The following PLEKHH1 variants were observed in gnomAD, a reference collection of about 807,000 sequenced individuals.
The protein encoded by PLEKHH1 is pleckstrin homology domain-containing family H member 1.
PLEKHH1 carries 104 observed loss-of-function variants against 160.0 expected under a neutral mutation model. That is an observed-to-expected ratio of 0.65 (90% CI 0.55 to 0.76). PLEKHH1 has a LOEUF of 0.76. Among genes scored for constraint, PLEKHH1 ranks in the 30% least tolerant of loss-of-function variants. PLEKHH1 has a pLI of 0.00. For synonymous variants in PLEKHH1, 619 were observed against 678.4 expected, an observed-to-expected ratio of 0.91 and a Z score of 1.36; for missense variants, 1,427 against 1,724.1, an observed-to-expected ratio of 0.83 and a Z score of 3.05.
Position 67,562,668 on chromosome 14 carries a change from T to C in PLEKHH1, c.1037T>C (p.Val346Ala), listed in dbSNP as rs748939343. ...GGCCATGGGCACTTTGGCCGTGTGG[T>C]GAACATTGAGACTGAGGCCTTCTCA... ...QVGHGHFGRV[V>A]NIETEAFSAL... Residue 346 changes from valine (V) to alanine (A), a missense_variant, in exon 7 of 29, where the codon GTG becomes GCG. Val to Ala is a moderately conservative substitution (Grantham distance 64). Coordinates refer to ENST00000329153, the MANE Select transcript of PLEKHH1 (RefSeq NM_020715.3). The C allele has an allele frequency of 6.2e-7, 1 of 1,612,546 alleles. No individual in the cohort carries two copies. Among genetic ancestry groups the C allele is most frequent in the Non-Finnish European group, 8.5e-7 (1 of 1,179,370 alleles).
At chr14:67,557,754 C>A (rs1387489169) in intron 4 of PLEKHH1, among the ~76,000 whole-genome samples, 1 of 152,218 alleles carries the variant, frequency 6.6e-6, no homozygotes, top group Non-Finnish European at 1.5e-5. Flanking sequence ...GGTGGAAACA[C>A]CTCATAGAGC....
intron 7 of PLEKHH1, among the ~76,000 whole-genome samples, chr14:67,567,309 T>TA (rs984711844): frequency 4.6e-5 from 7 of 152,314 alleles, no homozygotes; most frequent in Admixed American, 4.6e-4. Flanking sequence ...TTATGTATCT[T>TA]AGAGTTTGGA....
intron 2 of PLEKHH1, among the ~76,000 whole-genome samples, chr14:67,547,774 T>C (rs1353191307): frequency 6.6e-6 from 1 of 152,112 alleles, no homozygotes; most frequent in African/African-American, 2.4e-5. Context: ...CCTGACTCCC[T>C]CGTACAAAAT....
chr14:67,577,667 T>C (rs1394864997), intron 18 of PLEKHH1, among the ~76,000 whole-genome samples: 1 of 152,188 alleles, frequency 6.6e-6, no homozygotes, highest in Non-Finnish European at 1.5e-5. Context: ...CCTCCTCCTG[T>C]AGTTAAGCAG....
At chr14:67,571,715 A>G in intron 9 of PLEKHH1, 37 bp from the exon 10 acceptor site, 4 of 1,601,278 alleles carry the variant, frequency 2.5e-6, no homozygotes, top group Non-Finnish European at 3.4e-6. Context: ...ACTGTTTTGC[A>G]GCCTGAGCTG....
At chr14:67,561,803 A>C in intron 5 of PLEKHH1, 151 bp from the exon 6 acceptor site, 1 of 632,370 alleles carries the variant, frequency 1.6e-6, no homozygotes, top group South Asian at 2.0e-5. Context: ...CTGGGAGGTC[A>C]AGGCTGCAGT....
chr14:67,585,941 C>A lies in PLEKHH1; in HGVS notation c.3787-10C>A, dbSNP rs769387100. On this transcript the variant is annotated splice_polypyrimidine_tract_variant and intron_variant, in intron 27 of 28. Transcript: ENST00000329153. ...AAGTTTCCCCACAACTGACTGGTTCCTTTCCACAGCAAGTGCACATCACTT... is the reference window on the plus strand; with the variant it reads ...AAGTTTCCCCACAACTGACTGGTTCATTTCCACAGCAAGTGCACATCACTT... 9.3e-6 allele frequency: 15 copies of A among 1,608,204 alleles called. No individual in the cohort carries two copies. In the Admixed American group the frequency reaches 2.5e-4, roughly 27 times the overall value.
intron 23 of PLEKHH1, 98 bp from the exon 24 acceptor site, chr14:67,581,971 C>T: frequency 1.6e-6 from 2 of 1,218,090 alleles, no homozygotes; most frequent in Non-Finnish European, 2.3e-6. Context: ...GAAAAGAGTA[C>T]TTTATCTTTT....
At chr14:67,566,157 C>G (rs1465118) in intron 7 of PLEKHH1, among the ~76,000 whole-genome samples, 3 of 151,886 alleles carry the variant, frequency 2.0e-5, no homozygotes, top group African/African-American at 4.8e-5. Context: ...GGCACACAGC[C>G]CTAGACTTTT....
intron 2 of PLEKHH1, among the ~76,000 whole-genome samples, chr14:67,552,865 C>T (rs940367298): frequency 6.6e-6 from 1 of 151,952 alleles, no homozygotes; most frequent in African/African-American, 2.4e-5. Context: ...GGGAGGATAC[C>T]CCAGGGGAGA....
chr14:67,553,206 A>G (rs2034466801), intron 2 of PLEKHH1, among the ~76,000 whole-genome samples: 1 of 152,234 alleles, frequency 6.6e-6, no homozygotes, highest in South Asian at 2.1e-4. Flanking sequence ...TGGAAAGCCT[A>G]TGCCTTCTTC....
intron 7 of PLEKHH1, among the ~76,000 whole-genome samples, chr14:67,565,962 A>C: frequency 6.6e-6 from 1 of 152,128 alleles, no homozygotes; most frequent in East Asian, 1.9e-4. Context: ...TCTACTAAAA[A>C]TACAAAAATT....
chr14:67,559,846 T>C (rs1462847000), intron 5 of PLEKHH1, among the ~76,000 whole-genome samples, 155 bp downstream of exon 5: 1 of 152,142 alleles, frequency 6.6e-6, no homozygotes, highest in East Asian at 1.9e-4. Flanking sequence ...TGAGACACCG[T>C]AGTTCACTTC....
At chr14:67,541,469 G>A (rs1437191111) in intron 1 of PLEKHH1, among the ~76,000 whole-genome samples, 1 of 152,254 alleles carries the variant, frequency 6.6e-6, no homozygotes, top group East Asian at 1.9e-4. Context: ...CTCCAGTGCA[G>A]AGCACAGGGT....
At chr14:67,571,165 A>C (rs1292854595) in intron 9 of PLEKHH1, 1 of 154,154 alleles carries the variant, frequency 6.5e-6, no homozygotes, top group East Asian at 1.9e-4. Flanking sequence ...ATCACTGTGC[A>C]CATATATCTT....
chr14:67,544,696 A>C (rs1003139063), intron 2 of PLEKHH1, among the ~76,000 whole-genome samples: 3 of 152,244 alleles, frequency 2.0e-5, no homozygotes, highest in Non-Finnish European at 4.4e-5. Flanking sequence ...AACTAAATAG[A>C]ACTTTAATAA....
In PLEKHH1 at chr14:67,574,259, A is replaced by G. The variant is rs1357757072; in HGVS notation, c.1944A>G (p.Lys648=). ...SQTFQLISEK[K]TYYLTADSPS... The stretch of plus-strand genomic sequence containing the variant: ...CTCCACAGCTCATCTCTGAGAAGAA[A>G]ACCTACTACCTGACGGCCGATTCAC... The change falls in exon 14 of 29, where the codon AAA becomes AAG. Residue 648 remains lysine, a synonymous_variant. Transcript: ENST00000329153. This position sits in a 1 kb window ranked among gnomAD's most constrained non-coding sequence, Gnocchi z 4.2. The G allele has an allele frequency of 1.9e-6, 3 of 1,605,692 alleles. No individual in the cohort carries two copies. In the Admixed American group the frequency reaches 5.1e-5, roughly 27 times the overall value.
At chr14:67,571,517 G>A in intron 9 of PLEKHH1, 2 of 453,708 alleles carry the variant, frequency 4.4e-6, no homozygotes, top group South Asian at 8.0e-5. Flanking sequence ...GTCGTGATGG[G>A]CAGCTGCTTT....
Position 67,573,238 on chromosome 14 carries a change from ATTTCCCC to A in PLEKHH1, c.1729-33_1729-27del. Reference sequence around the variant, plus strand: ...GTGTGATGTCTAGGAGCCCTGAGTGATTTCCCCTTTCTTCATCTACACCCTTCCACCC... The same window carrying A: ...GTGTGATGTCTAGGAGCCCTGAGTGATTTCTTCATCTACACCCTTCCACCC... On this transcript the variant is annotated intron_variant, in intron 11 of 28. Coordinates refer to ENST00000329153, the MANE Select transcript of PLEKHH1 (RefSeq NM_020715.3). The surrounding 1 kb of genome is among the most constrained non-coding windows in gnomAD (Gnocchi z 4.8). The A allele has an allele frequency of 6.8e-6, 9 of 1,325,584 alleles. No individual in the cohort carries two copies. The highest frequency in any genetic ancestry group is 8.7e-6 in the Non-Finnish European group (8 of 921,876). The allele number at this position is 1,325,584 out of a possible 1,614,324, so 82.1% of individuals were successfully genotyped here. A position where few individuals can be genotyped will look rare whatever the true frequency, so the allele number is the denominator to read the frequency against.
Sources: allele counts gnomAD v4.1 joint callset (sites outside exome capture counted in the v4.1 genomes callset), GRCh38; gene constraint gnomAD v4.1.1; non-coding constraint Gnocchi (gnomAD v3.1); transcripts MANE v1.5; gene names NCBI Gene and HGNC (gene_info 2026-07-23, HGNC 2026-07-21).